Variants in C5orf63 observed in about 807,000 individuals in gnomAD.
The protein encoded by C5orf63 is glutaredoxin-like protein C5orf63.
A neutral mutation model predicts 13.3 loss-of-function variants in C5orf63; 18 were observed. The observed-to-expected ratio is 1.36, with a 90% confidence interval of 0.94 to 2.01. C5orf63 has a LOEUF of 2.01. Among genes scored for constraint, C5orf63 ranks in the 30% most tolerant of loss-of-function variants. C5orf63 has a pLI of 0.00. For missense variants in C5orf63, 118 were observed against 127.7 expected (o/e 0.92, Z 0.36); for synonymous variants, 38 against 44.7 (o/e 0.85, Z 0.60).
At chr5:127,060,810 AC>A (rs1293969147) in intron 2 of C5orf63, among the ~76,000 whole-genome samples, 1 of 152,208 alleles carries the variant, frequency 6.6e-6, no homozygotes, top group East Asian at 1.9e-4. Flanking sequence ...TGACTAACTT[AC>A]CAATGTTAGT....
At chr5:127,056,576 C>T (rs1035460455) in intron 3 of C5orf63, 6 of 152,102 alleles carry the variant, frequency 3.9e-5, no homozygotes, top group Non-Finnish European at 7.3e-5. Flanking sequence ...AAAGACTCAC[C>T]CCCATAATTC....
intron 2 of C5orf63, among the ~76,000 whole-genome samples, chr5:127,068,055 AC>A (rs1472856845): frequency 6.6e-6 from 1 of 152,106 alleles, no homozygotes. Flanking sequence ...TAAACATAAA[AC>A]CCAAAGAGGG....
chr5:127,052,713 G>A lies in C5orf63; in HGVS notation c.115-44C>T, dbSNP rs542774691. 123 of 1,416,636 alleles carry A rather than the reference G, an allele frequency of 8.7e-5. No individual in the cohort carries two copies. In the African/African-American group the frequency reaches 1.6e-3, roughly 18 times the overall value. The allele number at this position is 1,416,636 out of a possible 1,614,324, so 87.8% of individuals were successfully genotyped here. On this transcript the variant is annotated intron_variant, in intron 3 of 4. Transcript: ENST00000296662. ...CCCAAGCGATTAAACCCAAAGAATG[G>A]CATTTGCCCTTACAAAAACAAAACA...
intron 2 of C5orf63, among the ~76,000 whole-genome samples, chr5:127,068,640 G>A (rs1173447486): frequency 1.3e-5 from 2 of 152,172 alleles, no homozygotes; most frequent in Non-Finnish European, 2.9e-5. Flanking sequence ...TGCCTCAGCT[G>A]TGGCAAGCTG....
chr5:127,057,227 C>T (rs1424623401), intron 3 of C5orf63, among the ~76,000 whole-genome samples: 1 of 152,100 alleles, frequency 6.6e-6, no homozygotes, highest in African/African-American at 2.4e-5. Flanking sequence ...ATATTTTCAT[C>T]AATAAATTCA....
chr5:127,061,530 T>A (rs1031071459), intron 2 of C5orf63, among the ~76,000 whole-genome samples: 27 of 152,226 alleles, frequency 1.8e-4, no homozygotes, highest in African/African-American at 6.3e-4. Flanking sequence ...GCTATCCAGT[T>A]GTTCCAAGGT....
At chr5:127,059,454 G>A (rs1417676727) in intron 2 of C5orf63, among the ~76,000 whole-genome samples, 16 of 152,192 alleles carry the variant, frequency 1.1e-4, no homozygotes, top group Non-Finnish European at 1.5e-5. Context: ...AGGGCCAGAT[G>A]CCATGGCTCA....
At chr5:127,065,605 G>T (rs1443402151) in intron 2 of C5orf63, among the ~76,000 whole-genome samples, 1 of 152,184 alleles carries the variant, frequency 6.6e-6, no homozygotes, top group Non-Finnish European at 1.5e-5. Flanking sequence ...TTGGAAGGTG[G>T]ACTAGGATAA....
chr5:127,048,253 ACAC>A (rs1753568540), downstream of C5orf63, among the ~76,000 whole-genome samples: 2 of 131,700 alleles, frequency 1.5e-5, no homozygotes, highest in Admixed American at 7.5e-5. Context: ...GAGGACACAC[ACAC>A]ACACACACAC....
chr5:127,070,438 C>T (rs1042905330), intron 2 of C5orf63, among the ~76,000 whole-genome samples: 7 of 152,138 alleles, frequency 4.6e-5, no homozygotes, highest in African/African-American at 1.2e-4. Flanking sequence ...TGTAACAATG[C>T]GATTTCTGCT....
At chr5:127,067,864 T>C (rs540404597) in intron 2 of C5orf63, among the ~76,000 whole-genome samples, 5 of 152,292 alleles carry the variant, frequency 3.3e-5, no homozygotes, top group African/African-American at 1.2e-4. Flanking sequence ...CTGAGTAAAT[T>C]GTCTAGAGAG....
At chr5:127,042,627 CCAGT>C (rs929915706), downstream of C5orf63, 5 of 150,940 alleles carry the variant, frequency 3.3e-5, no homozygotes, top group African/African-American at 1.2e-4. Flanking sequence ...ATATGCAAAA[CCAGT>C]CAGAATATTA....
At chr5:127,069,457 T>A (rs552934215) in intron 2 of C5orf63, among the ~76,000 whole-genome samples, 1 of 152,296 alleles carries the variant, frequency 6.6e-6, no homozygotes, top group East Asian at 1.9e-4. Context: ...TCAAAAACCA[T>A]CCACCCAGGC....
downstream of C5orf63, among the ~76,000 whole-genome samples, chr5:127,050,895 C>G (rs1753649096): frequency 6.6e-6 from 1 of 152,206 alleles, no homozygotes; most frequent in Non-Finnish European, 1.5e-5. Context: ...CATTTCTACA[C>G]TGGCTTAATC....
At chr5:127,060,575 G>A (rs1310054951) in intron 2 of C5orf63, among the ~76,000 whole-genome samples, 1 of 152,182 alleles carries the variant, frequency 6.6e-6, no homozygotes, top group Non-Finnish European at 1.5e-5. Context: ...TAATTCCTGA[G>A]ATCATCATTT....
chr5:127,069,983 C>A (rs1251348467), intron 2 of C5orf63, among the ~76,000 whole-genome samples: 4 of 152,134 alleles, frequency 2.6e-5, no homozygotes, highest in Non-Finnish European at 5.9e-5. Context: ...AACTAGAAGG[C>A]ATCTCCAAGT....
chr5:127,057,158 T>C (rs1753914608), intron 3 of C5orf63, among the ~76,000 whole-genome samples: 1 of 152,214 alleles, frequency 6.6e-6, no homozygotes. Flanking sequence ...ATATTTTTGG[T>C]TCCATAATTT....
chr5:127,053,263 C>T (rs1460221040), intron 3 of C5orf63, among the ~76,000 whole-genome samples: 7 of 152,164 alleles, frequency 4.6e-5, no homozygotes, highest in Non-Finnish European at 7.3e-5. Flanking sequence ...AAATTCTCCA[C>T]CTGAAGAGCA....
chr5:127,052,547 G>A, intron 4 of C5orf63, 66 bp downstream of exon 4: 7 of 1,087,058 alleles, frequency 6.4e-6, no homozygotes, highest in South Asian at 2.4e-5. Context: ...AAGGATCCAG[G>A]CAGATACTTT....
Sources: gnomAD v4.1 joint callset for allele counts (sites outside exome capture counted in the v4.1 genomes callset) on GRCh38, gnomAD v4.1.1 for gene constraint, MANE v1.5 for transcripts, NCBI Gene and HGNC (gene_info 2026-07-23, HGNC 2026-07-21) for gene names.